Variants in PARP10 observed in about 807,000 individuals in gnomAD.
PARP10 encodes the protein protein mono-ADP-ribosyltransferase PARP10.
A neutral mutation model predicts 82.4 loss-of-function variants in PARP10; 56 were observed. That is an observed-to-expected ratio of 0.68 (90% confidence interval 0.55 to 0.85). PARP10 has a LOEUF of 0.85. Among genes scored for constraint, PARP10 ranks in the 40% least tolerant of loss-of-function variants. The probability of loss-of-function intolerance (pLI) is 0.00; values close to 1 mark genes in which losing one functional copy is unlikely to be tolerated. For missense variants in PARP10, 1,227 were observed against 1,379.4 expected, an observed-to-expected ratio of 0.89 and a Z score of 1.75; for synonymous variants, 576 against 601.1, an observed-to-expected ratio of 0.96 and a Z score of 0.61.
In PARP10 at chr8:144,008,150, T is replaced by C. The variant is rs778642739; in HGVS notation, c.-80+4380A>G. ...ATGGCCACGGCAGGCAGGATTGAAA[T>C]GTTCGCATGGCCAGTACTGCTAGGA... On this transcript the variant is annotated intron_variant, in intron 1 of 3. Coordinates refer to the PARP10 transcript ENST00000530478. The surrounding 1 kb of genome is among the most constrained non-coding windows in gnomAD (Gnocchi z 4.0). Among the ~76,000 whole-genome samples, 1 of 152,040 alleles carries C rather than the reference T, an allele frequency of 6.6e-6. No individual in the cohort carries two copies. The highest frequency in any genetic ancestry group is 1.5e-5 in the Non-Finnish European group (1 of 68,010).
Position 143,983,256 on chromosome 8 carries a change from G to A in PARP10, c.2333C>T (p.Pro778Leu), listed in dbSNP as rs781822524. ...CACCAAGTGGCGGGCAGCACGGGCA[G>A]GGTGGGCCCCGAAGCCACGGAGGAT... ...CTILRGFGAH[P>L]ARAARHLVAL... Residue 778 changes from proline to leucine, a missense_variant, in exon 8 of 11, where the codon CCT becomes CTT. By Grantham distance (98) the Pro-to-Leu change is moderately conservative (BLOSUM62 -3). Coordinates refer to ENST00000313028, the MANE Select transcript of PARP10 (RefSeq NM_032789.5). The A allele has an allele frequency of 6.2e-7, 1 of 1,613,140 alleles. No individual in the cohort carries two copies. The highest frequency in any genetic ancestry group is 8.5e-7 in the Non-Finnish European group (1 of 1,179,842).
intron 1 of PARP10, among the ~76,000 whole-genome samples, chr8:144,000,910 T>G (rs1374962948): frequency 7.8e-5 from 4 of 51,570 alleles, no homozygotes; most frequent in African/African-American, 2.2e-4. Flanking sequence ...GTGTGTGTGT[T>G]TTTTTTTTTT....
Position 143,984,018 on chromosome 8 carries a change from G to T in PARP10, c.1767C>A (p.Asp589Glu), listed in dbSNP as rs139367910. 1.3e-6 allele frequency: 2 copies of T among 1,518,064 alleles called. No homozygotes were observed. The highest frequency in any genetic ancestry group is 1.8e-6 in the Non-Finnish European group (2 of 1,134,060). The allele number at this position is 1,518,064 out of a possible 1,614,324, so 94.0% of individuals were successfully genotyped here. ...TPDSTGGDQE[D>E]VSLEEVRELL... ...CCCAGGGAGCCCTACCCAGGCTCAC[G>T]TCCTCCTGGTCACCACCTGTACTGT... Residue 589 changes from aspartate (D) to glutamate (E), a missense_variant, in exon 7 of 11, where the codon GAC becomes GAA. By Grantham distance (45) the Asp-to-Glu change is conservative (BLOSUM62 2). Transcript: ENST00000313028.
upstream of PARP10, chr8:143,991,275 A>C (rs782157354): frequency 4.6e-6 from 7 of 1,527,238 alleles, no homozygotes; most frequent in Non-Finnish European, 6.2e-6. Flanking sequence ...TCCTCCCCCC[A>C]ACCCTGGATA....
Position 143,984,802 on chromosome 8 carries a change from CAG to C in PARP10, c.1198_1199del (p.Leu400GlyfsTer63), listed in dbSNP as rs782471306. The stretch of plus-strand genomic sequence containing the variant: ...CTGGTGAGTCCATGGCAATTTCCAC[CAG>C]GCCCTCCTGCCCCAGCAACCCCTTA... Reference protein sequence around the residue: ...TSKGLLGQEGLVEIAMDSPEQ... With the variant: ...TSKGLLGQEGXVEIAMDSPEQ... On this transcript the variant is annotated frameshift_variant, in exon 5 of 11. Coordinates refer to ENST00000313028, the MANE Select transcript of PARP10 (RefSeq NM_032789.5). LOFTEE classifies it high-confidence loss of function. 6.2e-6 allele frequency: 10 copies of C among 1,612,746 alleles called. No individual in the cohort carries two copies. The South Asian group carries it at 9.9e-5, about 16-fold the overall frequency.
At position 143,983,389 on chromosome 8, in the gene PARP10, C is replaced by T. The variant is rs782072826; in HGVS notation, c.2200G>A (p.Val734Ile). The change falls in exon 8 of 11, where the codon GTC (valine) becomes ATC (isoleucine). Residue 734 changes from valine (V) to isoleucine (I), a missense_variant. Transcript: ENST00000313028. The stretch of plus-strand genomic sequence containing the variant: ...CAGGGCCCCACCGTCTCCTCCTGGA[C>T]GTGGACCTCCAAGGCAGCCCTGAGC... ...RALRAALEVH[V>I]QEETVGPWRR... 18 of 1,605,362 alleles carry T rather than the reference C, an allele frequency of 1.1e-5. No homozygotes were observed. Among genetic ancestry groups the T allele is most frequent in the South Asian group, 2.2e-5 (2 of 90,664 alleles).
chr8:143,980,011 CAAAAAAAAA>C (rs1175660825), intron 9 of PARP10, among the ~76,000 whole-genome samples: 1 of 33,086 alleles, frequency 3.0e-5, no homozygotes, highest in Non-Finnish European at 6.2e-5. Context: ...GACTCCGTCT[CAAAAAAAAA>C]AAAAAAAAAA....
At chr8:144,000,028 C>A (rs1182870966) in intron 1 of PARP10, among the ~76,000 whole-genome samples, 1 of 152,016 alleles carries the variant, frequency 6.6e-6, no homozygotes, top group Admixed American at 6.5e-5. Context: ...TTTCCAAAAC[C>A]GGTAAGACAT....
chr8:144,007,061 C>T (rs1587476996), intron 1 of PARP10, among the ~76,000 whole-genome samples: 1 of 152,212 alleles, frequency 6.6e-6, no homozygotes, highest in Non-Finnish European at 1.5e-5. Context: ...CCAAACAATG[C>T]TGTGTAAACA....
rs1021197127 is a variant in PARP10, at chr8:144,003,485, C to A, written c.-80+9045G>T. Reference sequence around the variant, plus strand: ...CAATGATTTTCAGAAATTATACAAACATTTTGTAAAACTGTCCTGTGATGC... The same window carrying A: ...CAATGATTTTCAGAAATTATACAAAAATTTTGTAAAACTGTCCTGTGATGC... On this transcript the variant is annotated intron_variant, in intron 1 of 3. Transcript: ENST00000530478. Among the ~76,000 whole-genome samples, 7 of 136,714 alleles carry A rather than the reference C, an allele frequency of 5.1e-5. No homozygotes were observed. In the East Asian group the frequency reaches 1.6e-3, roughly 31 times the overall value. The allele number at this position is 136,714 out of a possible 152,430, so 89.7% of individuals were successfully genotyped here.
At chr8:143,982,587 G>A (rs1271673360) in intron 9 of PARP10, among the ~76,000 whole-genome samples, 5 of 152,240 alleles carry the variant, frequency 3.3e-5, no homozygotes, top group Non-Finnish European at 7.3e-5. Flanking sequence ...TCTGTGGAGC[G>A]AGTAATCCTC....
intron 1 of PARP10, among the ~76,000 whole-genome samples, chr8:144,001,870 ATACG>A (rs1202580490): frequency 3.0e-5 from 4 of 133,112 alleles, no homozygotes; most frequent in Non-Finnish European, 3.0e-5. Context: ...TTAAATATAT[ATACG>A]TGTGTGTGTG....
chr8:143,991,376 C>T (rs782080494), upstream of PARP10: 8 of 1,210,022 alleles, frequency 6.6e-6, 1 homozygote, highest in South Asian at 1.2e-4. Context: ...AGCCCTCCCC[C>T]TACGGTCAGC....
chr8:143,993,139 G>C (rs1834128910), upstream of PARP10: 14 of 380,952 alleles, frequency 3.7e-5, no homozygotes, highest in South Asian at 3.2e-4. Context: ...GCCCACCCCA[G>C]GGACTGGGGG....
chr8:143,988,949 C>G (rs1834045170), upstream of PARP10: 1 of 152,252 alleles, frequency 6.6e-6, no homozygotes, highest in African/African-American at 2.4e-5. Context: ...AGGCACCACT[C>G]ACACCACAAG....
In PARP10 at chr8:143,977,533, G is replaced by C. The variant is rs1833720242; in HGVS notation, c.3029C>G (p.Ala1010Gly). Residue 1010 changes from alanine (A) to glycine (G), a missense_variant, in exon 11 of 11, where the codon GCT (alanine) becomes GGT (glycine). Coordinates refer to ENST00000313028, the MANE Select transcript of PARP10 (RefSeq NM_032789.5). Reference protein sequence around the residue: ...HLITCEHVPRASPDDPSGLPG... With the variant: ...HLITCEHVPRGSPDDPSGLPG... ...GAGCCCAGAGGGGTCGTCGGGGGAA[G>C]CGCGGGGCACGTGCTCGCAGGTGAT... is the stretch of plus-strand genomic sequence containing the variant. The C allele has an allele frequency of 6.4e-7, 1 of 1,562,356 alleles. No individual in the cohort carries two copies. Among genetic ancestry groups the C allele is most frequent in the South Asian group, 1.2e-5 (1 of 85,132 alleles).
chr8:143,985,957 GCCAAGA>G lies in PARP10; in HGVS notation c.194_199del (p.Val65_Leu66del). The G allele has an allele frequency of 6.3e-7, 1 of 1,587,206 alleles. No homozygotes were observed. Among genetic ancestry groups the G allele is most frequent in the African/African-American group, 1.3e-5 (1 of 74,566 alleles). ...ACCATGTAGTTCGTGATCTGCCTGG[GCCAAGA>G]CCCTCTCGGCGTCTGTGGGCAGGGG... is the stretch of plus-strand genomic sequence containing the variant. On this transcript the variant is annotated inframe_deletion, in exon 3 of 11. Coordinates refer to ENST00000313028, the MANE Select transcript of PARP10 (RefSeq NM_032789.5).
chr8:144,004,618 A>T (rs1311766919), intron 1 of PARP10, among the ~76,000 whole-genome samples: 2 of 152,154 alleles, frequency 1.3e-5, no homozygotes, highest in East Asian at 3.9e-4. Flanking sequence ...CTCCTTCCCT[A>T]TGTTCACAGA....
At chr8:144,009,424 G>T (rs1158263329) in intron 1 of PARP10, among the ~76,000 whole-genome samples, 1 of 152,120 alleles carries the variant, frequency 6.6e-6, no homozygotes, top group Non-Finnish European at 1.5e-5. Flanking sequence ...TCCTGTCGCT[G>T]TGGGCACTTC....
Sources: allele counts gnomAD v4.1 joint callset (sites outside exome capture counted in the v4.1 genomes callset), GRCh38; gene constraint gnomAD v4.1.1; non-coding constraint Gnocchi (gnomAD v3.1); transcripts MANE v1.5; gene names NCBI Gene and HGNC (gene_info 2026-07-23, HGNC 2026-07-21).